The following SRP72 variants were observed in gnomAD, a reference collection of about 807,000 sequenced individuals.
SRP72 encodes signal recognition particle subunit SRP72.
SRP72 carries 49 observed loss-of-function variants against 96.3 expected under a neutral mutation model. The ratio of observed to expected loss-of-function variants is 0.51; its 90% confidence interval spans 0.40 to 0.65. SRP72 has a LOEUF of 0.65. Ranked by LOEUF, SRP72 falls within the 30% of genes least tolerant of loss-of-function variation. The pLI, the probability that SRP72 is intolerant of heterozygous loss-of-function variation, is 0.00. For synonymous variants in SRP72, 267 were observed against 275.2 expected (o/e 0.97, Z 0.30); for missense variants, 736 against 793.3 (o/e 0.93, Z 0.87).
chr4:56,479,189 G>GT (rs200539467), intron 8 of SRP72, among the ~76,000 whole-genome samples: 3,642 of 151,236 alleles, frequency 0.024, 165 homozygotes, highest in African/African-American at 0.085. Flanking sequence ...TTTTTGTTTT[G>GT]TTTTTTTTGA....
intron 17 of SRP72, among the ~76,000 whole-genome samples, chr4:56,500,279 T>C (rs1055782767): frequency 6.6e-6 from 1 of 152,078 alleles, no homozygotes; most frequent in Non-Finnish European, 1.5e-5. Flanking sequence ...GACGGGTTGA[T>C]GGGTGCAGCA....
At chr4:56,477,482 T>C (rs1720292971) in intron 6 of SRP72, among the ~76,000 whole-genome samples, 2 of 151,812 alleles carry the variant, frequency 1.3e-5, no homozygotes, top group South Asian at 4.2e-4. Flanking sequence ...GAGATGGGGG[T>C]CTCGCTGTGT....
chr4:56,472,986 A>C (rs913773375), intron 3 of SRP72, among the ~76,000 whole-genome samples: 1 of 152,184 alleles, frequency 6.6e-6, no homozygotes, highest in Non-Finnish European at 1.5e-5. Context: ...TTTCTGAGAA[A>C]GATAAAATGA....
chr4:56,487,017 T>C (rs1394951750), intron 11 of SRP72, among the ~76,000 whole-genome samples: 1 of 152,232 alleles, frequency 6.6e-6, no homozygotes, highest in Non-Finnish European at 1.5e-5. Context: ...TTCAGTTCTT[T>C]GATTATGCTA....
At chr4:56,482,518 G>A (rs974667791) in intron 8 of SRP72, among the ~76,000 whole-genome samples, 2 of 152,120 alleles carry the variant, frequency 1.3e-5, no homozygotes, top group Admixed American at 6.5e-5. Context: ...ACAATATAGT[G>A]TAAACATAGC....
intron 2 of SRP72, 113 bp from the exon 3 acceptor site, chr4:56,471,607 A>G (rs1040408427): frequency 8.1e-7 from 1 of 1,236,192 alleles, no homozygotes; most frequent in African/African-American, 1.5e-5. Context: ...AACCTTTGTC[A>G]GTTTTCTCAT....
rs556900687 is a variant in SRP72, at chr4:56,492,070, C to T, written c.1640+502C>T. Among the ~76,000 whole-genome samples the T allele has an allele frequency of 6.0e-4, 91 of 152,328 alleles. 1 individual carries two copies. Among genetic ancestry groups the T allele is most frequent in the African/African-American group, 2.1e-3 (89 of 41,564 alleles). ...ACCAGGTTCGTCTTGAACTCCTGAC[C>T]TCAAGTGATCTGCCCACCTCGGCCT... On this transcript the variant is annotated intron_variant, in intron 16 of 18. Coordinates refer to ENST00000642900, the MANE Select transcript of SRP72 (RefSeq NM_006947.4).
intron 10 of SRP72, 53 bp from the exon 11 acceptor site, chr4:56,486,272 A>G (rs993306192): frequency 8.1e-5 from 108 of 1,337,378 alleles, no homozygotes; most frequent in Non-Finnish European, 1.1e-4. Flanking sequence ...AATGTATACA[A>G]TTAGTTGTGT....
chr4:56,474,801 C>T (rs2110114404), intron 5 of SRP72, among the ~76,000 whole-genome samples: 1 of 152,328 alleles, frequency 6.6e-6, no homozygotes, highest in South Asian at 2.1e-4. Flanking sequence ...TCTTGTGCCT[C>T]AGCCTCCCAA....
intron 17 of SRP72, among the ~76,000 whole-genome samples, chr4:56,497,104 T>G (rs1721097408): frequency 6.6e-6 from 1 of 152,202 alleles, no homozygotes; most frequent in African/African-American, 2.4e-5. Context: ...TAAAATTGTT[T>G]TGAACATAAT....
intron 17 of SRP72, among the ~76,000 whole-genome samples, chr4:56,500,218 C>T (rs575119743): frequency 3.8e-4 from 57 of 151,734 alleles, no homozygotes; most frequent in African/African-American, 1.2e-3. Flanking sequence ...TGTCGGGGGG[C>T]GGTGGGAGGC....
Position 56,490,170 on chromosome 4 carries a change from C to G in SRP72, c.1321-163C>G, listed in dbSNP as rs12643989. 0.083 allele frequency among the ~76,000 whole-genome samples: 12,689 copies of G among 152,194 alleles called. 676 individuals carry two copies. Among genetic ancestry groups the G allele is most frequent in the East Asian group, 0.27 (1,398 of 5,172 alleles). On this transcript the variant is annotated intron_variant, in intron 13 of 18. Coordinates refer to ENST00000642900, the MANE Select transcript of SRP72 (RefSeq NM_006947.4). ...AATTAATAATTTGTCCACCTGCTTT[C>G]CTCTACATGTGTGGATGATTTTGTT... is the stretch of plus-strand genomic sequence containing the variant.
chr4:56,467,664 C>G lies in SRP72; in HGVS notation c.29C>G (p.Ser10Ter). 1 of 1,559,260 alleles carries G rather than the reference C, an allele frequency of 6.4e-7. No individual in the cohort carries two copies. The highest frequency in any genetic ancestry group is 8.7e-7 in the Non-Finnish European group (1 of 1,154,528). ...GCGAGCGGCGGCAGCGGGGGGGTGT[C>G]AGTACCTGCGCTGTGGAGTGAAGTG... is the stretch of plus-strand genomic sequence containing the variant. MASGGSGGV[S>*]VPALWSEVNR... The change falls in exon 1 of 19, where the codon TCA (serine) becomes TGA (stop). Residue 10 changes from serine (S) to a stop codon, truncating the protein, a stop_gained. Transcript: ENST00000642900. LOFTEE classifies it high-confidence loss of function.
rs182194419 is a variant in SRP72, at chr4:56,470,494, C to T, written c.230+721C>T. On this transcript the variant is annotated intron_variant, in intron 2 of 18. Transcript: ENST00000642900. ...GGCAGAGGCTGCAGTGAGCTGAGAT[C>T]GTGCCATTGCACTCCAGCCTGGGTG... is the stretch of plus-strand genomic sequence containing the variant. Among the ~76,000 whole-genome samples, 1,209 of 150,152 alleles carry T rather than the reference C, an allele frequency of 8.1e-3. 7 individuals are homozygous for T. Among genetic ancestry groups the T allele is most frequent in the Non-Finnish European group, 0.013 (848 of 67,826 alleles).
At chr4:56,473,833 A>G (rs934629722) in intron 3 of SRP72, among the ~76,000 whole-genome samples, 9 of 152,190 alleles carry the variant, frequency 5.9e-5, no homozygotes, top group Non-Finnish European at 4.4e-5. Flanking sequence ...CAGAACCACA[A>G]TATAGTGAAA....
At chr4:56,484,602 TTC>T in intron 9 of SRP72, 132 bp from the exon 10 acceptor site, 1 of 1,168,154 alleles carries the variant, frequency 8.6e-7, no homozygotes, top group Non-Finnish European at 1.2e-6. Context: ...TGTAAACTGA[TTC>T]TCTTACCCTA....
In SRP72 at chr4:56,478,159, T is replaced by C. The variant is rs540140644; in HGVS notation, c.643-220T>C. On this transcript the variant is annotated intron_variant, in intron 6 of 18. Transcript: ENST00000642900. ...CTAGGATCTTTTTGCCTTTTCTTTT[T>C]TTTTTTTTTTTCTTTAGATACTTCT... Among the ~76,000 whole-genome samples, 13 of 151,634 alleles carry C rather than the reference T, an allele frequency of 8.6e-5. No homozygotes were observed. The South Asian group carries it at 2.3e-3, about 27-fold the overall frequency.
intron 17 of SRP72, among the ~76,000 whole-genome samples, chr4:56,499,329 C>T (rs1256554912): frequency 1.3e-5 from 2 of 152,180 alleles, no homozygotes; most frequent in Non-Finnish European, 2.9e-5. Flanking sequence ...GCAAGAACTT[C>T]ATGACTAAAA....
chr4:56,470,562 G>A (rs934103747), intron 2 of SRP72, among the ~76,000 whole-genome samples: 1 of 151,550 alleles, frequency 6.6e-6, no homozygotes, highest in Non-Finnish European at 1.5e-5. Context: ...GTCATTTGTA[G>A]GAGGTAATAG....
Sources: allele counts gnomAD v4.1 joint callset (sites outside exome capture counted in the v4.1 genomes callset), GRCh38; gene constraint gnomAD v4.1.1; transcripts MANE v1.5; gene names NCBI Gene and HGNC (gene_info 2026-07-23, HGNC 2026-07-21).